Variants in LOC128125822 observed in about 807,000 individuals in gnomAD.
chr6:63,579,834 C>G, the LOC128125822 span, among the ~76,000 whole-genome samples: 15 of 152,142 alleles, frequency 9.9e-5, no homozygotes, highest in Admixed American at 1.3e-4. Context: ...TGTGAGTCGA[C>G]TGTTGTAACC....
chr6:63,579,409 G>A, the LOC128125822 span: 1 of 1,010,610 alleles, frequency 9.9e-7, no homozygotes, highest in South Asian at 1.8e-5. Context: ...TAGTCTAATA[G>A]CCCATTTAAT....
the LOC128125822 span, chr6:63,579,978 T>C: frequency 6.9e-6 from 7 of 1,014,622 alleles, no homozygotes; most frequent in Non-Finnish European, 1.0e-5. Context: ...ACAAGAGAGG[T>C]GATGGTTGTC....
At chr6:63,577,043 T>G in the LOC128125822 span, 1 of 1,355,464 alleles carries the variant, frequency 7.4e-7, no homozygotes, top group Non-Finnish European at 1.0e-6. Flanking sequence ...GTGGGACTTA[T>G]AGCTAACAAA....
At chr6:63,572,505 C>A in the LOC128125822 span, 2 of 390,408 alleles carry the variant, frequency 5.1e-6, no homozygotes, top group Non-Finnish European at 9.1e-6. Context: ...TTGGCTCCTT[C>A]GGCTGCGGGC....
At chr6:63,579,104 T>C in the LOC128125822 span, 4 of 1,406,354 alleles carry the variant, frequency 2.8e-6, no homozygotes, top group Admixed American at 2.7e-5. Context: ...AAAATTCTTA[T>C]AATTTTTTAA....
At chr6:63,578,943 G>A in the LOC128125822 span, 1 of 1,602,692 alleles carries the variant, frequency 6.2e-7, no homozygotes, top group Non-Finnish European at 8.5e-7. Context: ...CCAGATTGTT[G>A]ATGACTGGTT....
the LOC128125822 span, chr6:63,580,048 TCCTCCCAGA>T: frequency 6.3e-7 from 1 of 1,575,790 alleles, no homozygotes; most frequent in African/African-American, 1.4e-5. Context: ...TTTTTTTTTT[TCCTCCCAGA>T]AAGCGGCGTG....
the LOC128125822 span, chr6:63,576,860 G>A: frequency 7.6e-6 from 12 of 1,584,700 alleles, no homozygotes; most frequent in South Asian, 1.3e-4. Context: ...ACCCTATTGA[G>A]TGTTTTTTAA....
chr6:63,579,246 T>A, the LOC128125822 span: 1 of 1,594,028 alleles, frequency 6.3e-7, no homozygotes, highest in Non-Finnish European at 8.5e-7. Flanking sequence ...TCAAAATTCT[T>A]ACCTCACCAG....
At chr6:63,577,022 G>A in the LOC128125822 span, 1 of 1,508,354 alleles carries the variant, frequency 6.6e-7, no homozygotes, top group Non-Finnish European at 9.2e-7. Context: ...TAAATTGATT[G>A]CAATATAATA....
At chr6:63,572,991 G>T in the LOC128125822 span, among the ~76,000 whole-genome samples, 1 of 152,090 alleles carries the variant, frequency 6.6e-6, no homozygotes, top group African/African-American at 2.4e-5. Context: ...AGCCCGGAGC[G>T]ACGGGGGCGG....
At chr6:63,582,555 G>A in the LOC128125822 span, 1 of 152,532 alleles carries the variant, frequency 6.6e-6, no homozygotes, top group East Asian at 1.9e-4. Flanking sequence ...AGTTCAAAGA[G>A]TTATGAGTTG....
the LOC128125822 span, among the ~76,000 whole-genome samples, chr6:63,579,693 CAT>C: frequency 5.3e-5 from 8 of 152,178 alleles, no homozygotes; most frequent in African/African-American, 1.9e-4. Context: ...CAATACAACA[CAT>C]AGAATATTTT....
chr6:63,578,936 G>C, the LOC128125822 span: 1 of 1,599,404 alleles, frequency 6.3e-7, no homozygotes, highest in Non-Finnish European at 8.5e-7. Context: ...CATCCAACCA[G>C]ATTGTTGATG....
the LOC128125822 span, chr6:63,579,401 G>A: frequency 9.0e-7 from 1 of 1,114,232 alleles, no homozygotes; most frequent in Non-Finnish European, 1.3e-6. Flanking sequence ...GAGTTTAATA[G>A]TCTAATAGCC....
the LOC128125822 span, chr6:63,572,513 GGCCGGCTCGGCTACGCGCTCTGCTCCGA>G: frequency 5.1e-6 from 2 of 391,692 alleles, no homozygotes; most frequent in Non-Finnish European, 9.0e-6. Context: ...TTCGGCTGCG[GGCCGGCTCGGCTACGCGCTCTGCTCCGA>G]GCCGCTCACT....
the LOC128125822 span, chr6:63,581,511 A>G: frequency 1.3e-5 from 2 of 152,494 alleles, no homozygotes; most frequent in African/African-American, 4.8e-5. Context: ...AATGAATTGC[A>G]CTTCACTTAA....
At chr6:63,576,552 C>G in the LOC128125822 span, 1 of 442,418 alleles carries the variant, frequency 2.3e-6, no homozygotes, top group Non-Finnish European at 4.0e-6. Context: ...CTGATTACTG[C>G]TCCACCAAGA....
the LOC128125822 span, chr6:63,578,581 A>G: frequency 6.4e-7 from 1 of 1,566,582 alleles, no homozygotes; most frequent in South Asian, 1.2e-5. Flanking sequence ...ACAAAAGTTT[A>G]TTCAAATAGT....
Sources: allele counts gnomAD v4.1 joint callset (sites outside exome capture counted in the v4.1 genomes callset), GRCh38; gene constraint gnomAD v4.1.1; transcripts MANE v1.5.